The following SLIT2 variants were observed in gnomAD, a reference collection of about 807,000 sequenced individuals.
The protein encoded by SLIT2 is slit guidance ligand 2.
SLIT2 carries 41 observed loss-of-function variants against 185.7 expected under a neutral mutation model. That is an observed-to-expected ratio of 0.22 (90% confidence interval 0.17 to 0.29). The LOEUF (loss-of-function observed/expected upper bound fraction) is 0.29, where lower values mean the gene tolerates loss of function less well. Among genes scored for constraint, SLIT2 ranks in the 10% least tolerant of loss-of-function variants. The pLI is 1.00. For synonymous variants in SLIT2, 693 were observed against 680.2 expected (o/e 1.02, Z -0.29); for missense variants, 1,571 against 1,909.0 (o/e 0.82, Z 3.30).
chr4:20,351,743 C>A (rs988054019), intron 4 of SLIT2, among the ~76,000 whole-genome samples: 1 of 152,132 alleles, frequency 6.6e-6, no homozygotes, highest in African/African-American at 2.4e-5. Flanking sequence ...GGCTTTGTCC[C>A]TATGAGTACC....
chr4:20,444,957 C>A (rs1196127534), intron 4 of SLIT2, among the ~76,000 whole-genome samples: 4 of 152,162 alleles, frequency 2.6e-5, no homozygotes, highest in Admixed American at 2.0e-4. Context: ...CCCATACTTT[C>A]TTTGTATTTA....
chr4:20,382,961 G>T (rs1724649391), intron 4 of SLIT2, among the ~76,000 whole-genome samples: 1 of 152,092 alleles, frequency 6.6e-6, no homozygotes, highest in Non-Finnish European at 1.5e-5. Context: ...TAGATTAGTG[G>T]AATAGAAAAG....
At chr4:20,272,971 G>A (rs187636183) in intron 4 of SLIT2, among the ~76,000 whole-genome samples, 1 of 152,138 alleles carries the variant, frequency 6.6e-6, no homozygotes, top group East Asian at 1.9e-4. Context: ...GAGACAAATA[G>A]GTTTTGACTG....
chr4:20,535,036 C>T (rs6847925), intron 18 of SLIT2, among the ~76,000 whole-genome samples: 2,128 of 152,196 alleles, frequency 0.014, 46 homozygotes, highest in African/African-American at 0.048. Context: ...CGCGGTGGCT[C>T]ATGCCTGTAA....
In SLIT2 at chr4:20,437,914, CAAAAAA is replaced by C. The variant is rs1224604666; in HGVS notation, c.396-29821_396-29816del. On this transcript the variant is annotated intron_variant, in intron 4 of 36. Coordinates refer to ENST00000504154, the MANE Select transcript of SLIT2 (RefSeq NM_004787.4). ...TGGGTGACAGAGCGAGACTCCGTCTCAAAAAAAAAAAAAAAAAAAAAAGTAAAAACT... is the reference window on the plus strand; with the variant it reads ...TGGGTGACAGAGCGAGACTCCGTCTCAAAAAAAAAAAAAAAAGTAAAAACT... Among the ~76,000 whole-genome samples the C allele has an allele frequency of 2.0e-4, 13 of 65,596 alleles. 1 individual carries two copies. In the South Asian group the frequency reaches 2.6e-3, roughly 13 times the overall value. The allele number at this position is 65,596 out of a possible 152,430, so 43.0% of individuals were successfully genotyped here.
rs987324049 is a variant in SLIT2 at position 20,388,735 on chromosome 4, C to A, written c.396-79017C>A. 1.4e-4 allele frequency among the ~76,000 whole-genome samples: 21 copies of A among 148,688 alleles called. No homozygotes were observed. In the East Asian group the frequency reaches 4.0e-3, roughly 28 times the overall value. On this transcript the variant is annotated intron_variant, in intron 4 of 36. Transcript: ENST00000504154. ...GTTGCACTGAGTGGAGATCATGCTC[C>A]TGCACTCCAGCCTGGGTGACAGAGC... is the stretch of plus-strand genomic sequence containing the variant.
chr4:20,449,183 T>C (rs1442842457), intron 4 of SLIT2, among the ~76,000 whole-genome samples: 3 of 152,168 alleles, frequency 2.0e-5, no homozygotes, highest in African/African-American at 7.2e-5. Flanking sequence ...AAAAGAGTAA[T>C]AGTTATATGC....
Position 20,617,431 on chromosome 4 carries a change from C to T in SLIT2, c.4137-8C>T. On this transcript the variant is annotated splice_polypyrimidine_tract_variant and splice_region_variant and intron_variant, in intron 35 of 36. Coordinates refer to ENST00000504154, the MANE Select transcript of SLIT2 (RefSeq NM_004787.4). ...GCATTCCCACTCCTGTGTTCCTCCT[C>T]CCTGTAGATGCGTACATGGCACCTG... 6.2e-7 allele frequency: 1 copy of T among 1,612,828 alleles called. No homozygotes were observed. The highest frequency in any genetic ancestry group is 8.5e-7 in the Non-Finnish European group (1 of 1,178,884).
At chr4:20,284,538 C>G (rs1365591468) in intron 4 of SLIT2, among the ~76,000 whole-genome samples, 2 of 152,176 alleles carry the variant, frequency 1.3e-5, no homozygotes, top group Non-Finnish European at 2.9e-5. Context: ...AAGCGAAAGA[C>G]AGCATGTGAA....
At chr4:20,538,240 A>G (rs1049643645) in intron 18 of SLIT2, among the ~76,000 whole-genome samples, 2 of 152,170 alleles carry the variant, frequency 1.3e-5, no homozygotes, top group Admixed American at 6.5e-5. Flanking sequence ...GATTACAGGC[A>G]TGAGCCACTG....
intron 4 of SLIT2, among the ~76,000 whole-genome samples, chr4:20,434,683 A>T (rs1376997615): frequency 1.3e-5 from 2 of 152,184 alleles, no homozygotes; most frequent in Non-Finnish European, 2.9e-5. Flanking sequence ...AACTGGCAAG[A>T]TATAAGTGGA....
intron 33 of SLIT2, among the ~76,000 whole-genome samples, chr4:20,600,142 ATTTTTTTTAAT>A (rs1039110154): frequency 2.6e-5 from 4 of 151,752 alleles, no homozygotes; most frequent in African/African-American, 9.7e-5. Context: ...TTTGTGGTTC[ATTTTTTTTAAT>A]TTTTTTTTAA....
chr4:20,302,205 A>G (rs577966825), intron 4 of SLIT2, among the ~76,000 whole-genome samples: 1 of 152,282 alleles, frequency 6.6e-6, no homozygotes, highest in South Asian at 2.1e-4. Context: ...ATATCATGGA[A>G]TTTGTATTTC....
chr4:20,337,864 G>C (rs1720638101), intron 4 of SLIT2, among the ~76,000 whole-genome samples: 1 of 151,882 alleles, frequency 6.6e-6, no homozygotes, highest in South Asian at 2.1e-4. Context: ...AAACACTTTA[G>C]AGGTCCCAGT....
intron 4 of SLIT2, among the ~76,000 whole-genome samples, chr4:20,309,387 T>G (rs984894868): frequency 5.3e-5 from 8 of 152,082 alleles, no homozygotes; most frequent in Non-Finnish European, 8.8e-5. Flanking sequence ...ACAGATCTTT[T>G]TTTTTCTTTA....
At chr4:20,497,476 G>T (rs918193479) in intron 9 of SLIT2, among the ~76,000 whole-genome samples, 1 of 152,048 alleles carries the variant, frequency 6.6e-6, no homozygotes, top group East Asian at 1.9e-4. Flanking sequence ...CTAATACTCC[G>T]ACAAAAAGGA....
chr4:20,551,906 TC>T (rs746107550), intron 25 of SLIT2, among the ~76,000 whole-genome samples: 6 of 152,182 alleles, frequency 3.9e-5, no homozygotes, highest in Non-Finnish European at 8.8e-5. Context: ...GAATTGAAGA[TC>T]CAATGTTCAA....
At chr4:20,490,528 T>C (rs1182363703) in intron 8 of SLIT2, among the ~76,000 whole-genome samples, 1 of 152,084 alleles carries the variant, frequency 6.6e-6, no homozygotes, top group Non-Finnish European at 1.5e-5. Flanking sequence ...AAAACAAAAT[T>C]TTAAGAAACG....
At chr4:20,505,134 A>G (rs1019939521) in intron 9 of SLIT2, among the ~76,000 whole-genome samples, 4 of 152,194 alleles carry the variant, frequency 2.6e-5, no homozygotes, top group Admixed American at 6.5e-5. Context: ...CTATTTTTGT[A>G]TAAGAAATAA....
Sources: allele counts gnomAD v4.1 joint callset (sites outside exome capture counted in the v4.1 genomes callset), GRCh38; gene constraint gnomAD v4.1.1; transcripts MANE v1.5; gene names NCBI Gene and HGNC (gene_info 2026-07-23, HGNC 2026-07-21).